Variants in RGS8 observed in about 807,000 individuals in gnomAD.
The protein encoded by RGS8 is regulator of G-protein signaling 8.
In RGS8, 8 loss-of-function variants were observed where a neutral mutation model predicts 21.7. The ratio of observed to expected loss-of-function variants is 0.37; its 90% CI spans 0.22 to 0.66. The LOEUF (loss-of-function observed/expected upper bound fraction) is 0.66. Ranked by LOEUF, RGS8 falls within the 30% of genes least tolerant of loss-of-function variation. The probability of loss-of-function intolerance (pLI) is 0.59; values close to 1 mark genes in which losing one functional copy is unlikely to be tolerated. For missense variants in RGS8, 157 were observed against 217.9 expected (o/e 0.72, Z 1.76); for synonymous variants, 80 against 83.6 (o/e 0.96, Z 0.24).
At chr1:182,723,812 ATTTT>A in the RGS8 span, among the ~76,000 whole-genome samples, 2 of 152,166 alleles carry the variant, frequency 1.3e-5, no homozygotes, top group African/African-American at 4.8e-5. Flanking sequence ...ATTAAACTGT[ATTTT>A]ACTTAGAATC....
the RGS8 span, among the ~76,000 whole-genome samples, chr1:182,726,394 G>A: frequency 2.0e-5 from 3 of 152,196 alleles, no homozygotes; most frequent in Non-Finnish European, 4.4e-5. Context: ...GCCACGGCCA[G>A]GTGCGGTGGC....
At chr1:182,691,408 G>C in the RGS8 span, among the ~76,000 whole-genome samples, 1 of 152,080 alleles carries the variant, frequency 6.6e-6, no homozygotes. Context: ...TTACTTGTGA[G>C]AATCTGAATC....
At chr1:182,686,258 A>G (rs1664703450), upstream of RGS8, among the ~76,000 whole-genome samples, 1 of 152,238 alleles carries the variant, frequency 6.6e-6, no homozygotes, top group African/African-American at 2.4e-5. Context: ...AATGCAATGT[A>G]AAGGGTCCAT....
chr1:182,670,327 A>G (rs371438863), intron 2 of RGS8, among the ~76,000 whole-genome samples: 5 of 152,214 alleles, frequency 3.3e-5, no homozygotes, highest in African/African-American at 1.2e-4. Context: ...ACGAATATGC[A>G]AGTTACCCTT....
At chr1:182,683,151 C>T (rs1192542806) in intron 1 of RGS8, among the ~76,000 whole-genome samples, 1 of 152,218 alleles carries the variant, frequency 6.6e-6, no homozygotes, top group East Asian at 1.9e-4. Flanking sequence ...ACTCACTTAT[C>T]ACCTTTCCAG....
the RGS8 span, among the ~76,000 whole-genome samples, chr1:182,706,979 G>A: frequency 2.6e-5 from 4 of 151,812 alleles, no homozygotes; most frequent in Admixed American, 1.3e-4. Context: ...CCAACATGGC[G>A]AAATCCCATC....
At chr1:182,664,972 C>T (rs1663781764) in intron 5 of RGS8, among the ~76,000 whole-genome samples, 1 of 152,224 alleles carries the variant, frequency 6.6e-6, no homozygotes, top group South Asian at 2.1e-4. Flanking sequence ...CACCCAACTA[C>T]TTAGTAACAA....
chr1:182,699,851 A>G, the RGS8 span, among the ~76,000 whole-genome samples: 1 of 152,084 alleles, frequency 6.6e-6, no homozygotes, highest in South Asian at 2.1e-4. Flanking sequence ...ACTATAATGA[A>G]TGCCGTGTTC....
chr1:182,714,702 T>C, the RGS8 span, among the ~76,000 whole-genome samples: 1 of 152,224 alleles, frequency 6.6e-6, no homozygotes, highest in Non-Finnish European at 1.5e-5. Context: ...TTGCCAGTGA[T>C]GCTCTCAAGT....
the RGS8 span, among the ~76,000 whole-genome samples, chr1:182,727,434 T>C: frequency 6.6e-6 from 1 of 152,230 alleles, no homozygotes; most frequent in African/African-American, 2.4e-5. Context: ...ATTTTGTTTT[T>C]TATGATTTGG....
intron 5 of RGS8, among the ~76,000 whole-genome samples, chr1:182,653,785 A>C (rs759990989): frequency 6.6e-6 from 1 of 152,256 alleles, no homozygotes; most frequent in Non-Finnish European, 1.5e-5. Context: ...CAGGAGCTGA[A>C]GTTCAAGAAA....
chr1:182,747,966 C>A, the RGS8 span, among the ~76,000 whole-genome samples: 23 of 151,162 alleles, frequency 1.5e-4, no homozygotes, highest in African/African-American at 5.6e-4. Flanking sequence ...ATGTTTTATG[C>A]TTTTTTTATT....
exon 4 of RGS8, chr1:182,666,910 G>A (rs769558544): frequency 1.2e-6 from 2 of 1,614,144 alleles, no homozygotes; most frequent in South Asian, 2.2e-5. Flanking sequence ...GAATAGCTGT[G>A]AAATCACTAC....
the RGS8 span, among the ~76,000 whole-genome samples, chr1:182,692,803 A>G: frequency 6.6e-6 from 1 of 152,138 alleles, no homozygotes; most frequent in African/African-American, 2.4e-5. Context: ...AGAACAGGTT[A>G]GAGAACCCAG....
chr1:182,728,257 G>A, the RGS8 span, among the ~76,000 whole-genome samples: 5 of 152,198 alleles, frequency 3.3e-5, no homozygotes, highest in African/African-American at 9.7e-5. Context: ...AAGCTTCAGT[G>A]CATTCCTAAG....
the RGS8 span, among the ~76,000 whole-genome samples, chr1:182,728,151 T>C: frequency 1.9e-4 from 29 of 152,182 alleles, no homozygotes; most frequent in African/African-American, 7.0e-4. Context: ...ATGTCAGAAA[T>C]GACATTGAAG....
the RGS8 span, among the ~76,000 whole-genome samples, chr1:182,722,331 A>G: frequency 7.1e-6 from 1 of 141,312 alleles, no homozygotes; most frequent in Admixed American, 7.4e-5. Context: ...ATTGCACTGC[A>G]TGAGTTTCTT....
the RGS8 span, among the ~76,000 whole-genome samples, chr1:182,705,908 C>T: frequency 2.0e-5 from 3 of 152,210 alleles, no homozygotes; most frequent in East Asian, 3.8e-4. Context: ...ATTGGAGCAA[C>T]AGGCCCTCTC....
chr1:182,668,714 T>C (rs1262270197), intron 3 of RGS8, among the ~76,000 whole-genome samples: 2 of 152,228 alleles, frequency 1.3e-5, no homozygotes, highest in African/African-American at 4.8e-5. Context: ...AGCCATCTAT[T>C]TCATGGCATT....
Sources: allele counts gnomAD v4.1 joint callset (sites outside exome capture counted in the v4.1 genomes callset), GRCh38; gene constraint gnomAD v4.1.1; transcripts MANE v1.5; gene names NCBI Gene and HGNC (gene_info 2026-07-23, HGNC 2026-07-21).